LMO4: variants seen among roughly 807,000 people sequenced by gnomAD.
LMO4 encodes LIM domain transcription factor LMO4.
Under a neutral mutation model 18.5 loss-of-function variants are expected in LMO4, and 3 were observed. That is an observed-to-expected ratio of 0.16 (90% CI 0.07 to 0.42). The LOEUF is 0.42. LMO4 is among the 10% of genes least tolerant of loss of function. The pLI is 0.99. For synonymous variants in LMO4, 100 were observed against 88.1 expected, an observed-to-expected ratio of 1.14 and a Z score of -0.76; for missense variants, 121 against 219.9, an observed-to-expected ratio of 0.55 and a Z score of 2.84.
intron 4 of LMO4, among the ~76,000 whole-genome samples, chr1:87,342,973 A>G (rs918861568): frequency 6.6e-6 from 1 of 152,176 alleles, no homozygotes; most frequent in African/African-American, 2.4e-5. Context: ...CTCGTTCTCC[A>G]TATTTTTGGT....
intron 2 of LMO4, among the ~76,000 whole-genome samples, chr1:87,339,121 T>G (rs76971334): frequency 1.7e-4 from 26 of 152,330 alleles, no homozygotes; most frequent in Admixed American, 3.3e-4. Context: ...TCAAATCCTC[T>G]TAACCCTTTT....
chr1:87,338,589 G>T (rs1650380303), intron 2 of LMO4, among the ~76,000 whole-genome samples: 1 of 152,126 alleles, frequency 6.6e-6, no homozygotes, highest in East Asian at 1.9e-4. Flanking sequence ...AAAATATTTT[G>T]TTGTGCTTGC....
rs967623034 is a variant in LMO4, at chr1:87,338,007, T to C, written c.237-1529T>C. On this transcript the variant is annotated intron_variant, in intron 2 of 4. Transcript: ENST00000370544. ...AATTAGTTTTGAAATGGAGTTTTGA[T>C]TGAACTCTTCAAATCGATGCTGCTG... Among the ~76,000 whole-genome samples, 12 of 152,260 alleles carry C rather than the reference T, an allele frequency of 7.9e-5. No homozygotes were observed. The East Asian group carries it at 1.3e-3, about 17-fold the overall frequency.
At chr1:87,344,347 C>A (rs1650571928) in intron 4 of LMO4, among the ~76,000 whole-genome samples, 1 of 152,146 alleles carries the variant, frequency 6.6e-6, no homozygotes, top group Admixed American at 6.5e-5. Context: ...AACTGAGACA[C>A]AAGCAGTTTA....
In LMO4 at chr1:87,344,776, T is replaced by C; in HGVS notation, c.490-12T>C. 1 of 1,613,872 alleles carries C rather than the reference T, an allele frequency of 6.2e-7. No homozygotes were observed. The highest frequency in any genetic ancestry group is 8.5e-7 in the Non-Finnish European group (1 of 1,179,862). On this transcript the variant is annotated splice_polypyrimidine_tract_variant and intron_variant, in intron 4 of 4. Transcript: ENST00000370544. ...GCATTTTAGCTAAGATGCCCGTTTTTATTTCTTGCAGGTCTGCTAAAAGGT... is the reference window on the plus strand; with the variant it reads ...GCATTTTAGCTAAGATGCCCGTTTTCATTTCTTGCAGGTCTGCTAAAAGGT...
rs190437534 is a variant in LMO4 at position 87,348,631 on chromosome 1, C to G, written c.*3835C>G. The G allele has an allele frequency of 8.7e-6, 4 of 460,740 alleles. No individual in the cohort carries two copies. Among genetic ancestry groups the G allele is most frequent in the Admixed American group, 7.0e-5 (3 of 42,862 alleles). The allele number at this position is 460,740 out of a possible 1,614,324, so 28.5% of individuals were successfully genotyped here. ...GGCATTTGTAGCCCTCTGCTCCCATCGTGAACATGCTGAGAGCAATGACAA... is the reference window on the plus strand; with the variant it reads ...GGCATTTGTAGCCCTCTGCTCCCATGGTGAACATGCTGAGAGCAATGACAA... On this transcript the variant is annotated 3_prime_UTR_variant, in exon 5 of 5. Coordinates refer to ENST00000370544, the MANE Select transcript of LMO4 (RefSeq NM_006769.4).
Position 87,346,010 on chromosome 1 carries a change from A to C in LMO4, c.*1214A>C, listed in dbSNP as rs1471385767. On this transcript the variant is annotated 3_prime_UTR_variant, in exon 5 of 5. Transcript: ENST00000370544. ...TATTGAGTTTATAGCTTTTGAAGGA[A>C]GTCACAATTTCTAAGTCATACCTGT... 1 of 152,202 alleles carries C rather than the reference A, an allele frequency of 6.6e-6. No individual in the cohort carries two copies. Among genetic ancestry groups the C allele is most frequent in the Non-Finnish European group, 1.5e-5 (1 of 68,040 alleles). 9.4% of individuals were successfully genotyped at this position (152,202 alleles called of 1,614,324 possible).
At chr1:87,338,228 T>C (rs531812785) in intron 2 of LMO4, among the ~76,000 whole-genome samples, 3 of 152,336 alleles carry the variant, frequency 2.0e-5, no homozygotes, top group Non-Finnish European at 4.4e-5. Context: ...CAATTATTTT[T>C]ATATAGAGGC....
chr1:87,347,740 AAGAT>A lies in LMO4; in HGVS notation c.*2947_*2950del, dbSNP rs1557618679. ...CTTGTTAATGAAACAATTTTGTAAA[AAGAT>A]AGTCCTCTAAAAGGGTTTAATGTTT... On this transcript the variant is annotated 3_prime_UTR_variant, in exon 5 of 5. Transcript: ENST00000370544. The A allele has an allele frequency of 6.6e-6, 1 of 152,226 alleles. No homozygotes were observed. The highest frequency in any genetic ancestry group is 1.5e-5 in the Non-Finnish European group (1 of 68,040). The allele number at this position is 152,226 out of a possible 1,614,324, so 9.4% of individuals were successfully genotyped here.
At position 87,348,899 on chromosome 1, in the gene LMO4, T is replaced by C. The variant is rs1424108477; in HGVS notation, c.*4103T>C. On this transcript the variant is annotated 3_prime_UTR_variant, in exon 5 of 5. Coordinates refer to ENST00000370544, the MANE Select transcript of LMO4 (RefSeq NM_006769.4). Reference sequence around the variant, plus strand: ...GCCATTCTATTTCCTAAATCACAACTAATAAAGCAGAGGATGAAAATCAAT... The same window carrying C: ...GCCATTCTATTTCCTAAATCACAACCAATAAAGCAGAGGATGAAAATCAAT... 2.3e-6 allele frequency: 1 copy of C among 427,796 alleles called. No individual in the cohort carries two copies. The highest frequency in any genetic ancestry group is 4.7e-6 in the Non-Finnish European group (1 of 212,756). The allele number at this position is 427,796 out of a possible 1,614,324, so 26.5% of individuals were successfully genotyped here.
At chr1:87,339,792 A>G (rs1314982335) in intron 3 of LMO4, among the ~76,000 whole-genome samples, 160 bp downstream of exon 3, 3 of 152,320 alleles carry the variant, frequency 2.0e-5, no homozygotes, top group African/African-American at 7.2e-5. Flanking sequence ...TTACACATCC[A>G]CATGCACAGA....
At position 87,348,487 on chromosome 1, in the gene LMO4, T is replaced by C. The variant is rs1049200324; in HGVS notation, c.*3691T>C. On this transcript the variant is annotated 3_prime_UTR_variant, in exon 5 of 5. Transcript: ENST00000370544. The stretch of plus-strand genomic sequence containing the variant: ...ATTAAAGTATTACTGAGCAGCCATT[T>C]TAGATTGGCAGTGCTCTGAACGCAT... 9.7e-6 allele frequency: 3 copies of C among 310,402 alleles called. No individual in the cohort carries two copies. Among genetic ancestry groups the C allele is most frequent in the Non-Finnish European group, 2.0e-5 (3 of 152,578 alleles). 19.2% of individuals were successfully genotyped at this position (310,402 alleles called of 1,614,324 possible).
At chr1:87,335,518 C>T (rs1476380160) in intron 2 of LMO4, among the ~76,000 whole-genome samples, 3 of 152,006 alleles carry the variant, frequency 2.0e-5, no homozygotes, top group African/African-American at 4.8e-5. Context: ...CCCCGGGCTC[C>T]ACTCGGGCGG....
chr1:87,348,882 AT>A lies in LMO4; in HGVS notation c.*4089del, dbSNP rs1184306467. On this transcript the variant is annotated 3_prime_UTR_variant, in exon 5 of 5. Transcript: ENST00000370544. ...ACAGCTGTGTAAACAGGGCCATTCT[AT>A]TTCCTAAATCACAACTAATAAAGCA... is the stretch of plus-strand genomic sequence containing the variant. 1 of 442,796 alleles carries A rather than the reference AT, an allele frequency of 2.3e-6. No individual in the cohort carries two copies. Among genetic ancestry groups the A allele is most frequent in the Non-Finnish European group, 4.6e-6 (1 of 219,582 alleles). 27.4% of individuals were successfully genotyped at this position (442,796 alleles called of 1,614,324 possible).
At chr1:87,339,452 A>G (rs1318863443) in intron 2 of LMO4, 84 bp from the exon 3 acceptor site, 1 of 888,192 alleles carries the variant, frequency 1.1e-6, no homozygotes, top group East Asian at 2.5e-5. Flanking sequence ...TTCCAAAGGG[A>G]TGCCCAGAGT....
In LMO4 at chr1:87,332,060, C is replaced by T; in HGVS notation, c.45C>T (p.Ala15=). Reference sequence around the variant, plus strand: ...GCTCGCAGCCGCCCCCGGTGACGGCCGGCTCCCTCTCCTGGAAGCGGTGCG... The same window carrying T: ...GCTCGCAGCCGCCCCCGGTGACGGCTGGCTCCCTCTCCTGGAAGCGGTGCG... The part of the protein sequence containing the change: ...GSSSQPPPVT[A]GSLSWKRCAG... The change falls in exon 2 of 5, where the codon GCC becomes GCT. Residue 15 remains alanine, a synonymous_variant. Coordinates refer to ENST00000370544, the MANE Select transcript of LMO4 (RefSeq NM_006769.4). The T allele has an allele frequency of 1.2e-6, 2 of 1,613,500 alleles. No homozygotes were observed. Among genetic ancestry groups the T allele is most frequent in the South Asian group, 2.2e-5 (2 of 91,062 alleles).
At chr1:87,331,195 C>A (rs1650134209) in intron 1 of LMO4, 1 of 151,816 alleles carries the variant, frequency 6.6e-6, no homozygotes, top group South Asian at 2.1e-4. Flanking sequence ...GTTCAATGAT[C>A]TATTATTCTT....
intron 2 of LMO4, among the ~76,000 whole-genome samples, chr1:87,338,625 T>A (rs561263142): frequency 2.6e-5 from 4 of 152,232 alleles, no homozygotes; most frequent in Admixed American, 2.0e-4. Context: ...ATTATGTATA[T>A]GTTTTTCTTC....
intron 2 of LMO4, among the ~76,000 whole-genome samples, chr1:87,335,321 G>A (rs546037860): frequency 1.2e-4 from 19 of 152,248 alleles, no homozygotes; most frequent in African/African-American, 4.6e-4. Flanking sequence ...TCCAGGTCCG[G>A]GGAGGGCGAG....
Sources: gnomAD v4.1 joint callset for allele counts (sites outside exome capture counted in the v4.1 genomes callset) on GRCh38, gnomAD v4.1.1 for gene constraint, MANE v1.5 for transcripts, NCBI Gene and HGNC (gene_info 2026-07-23, HGNC 2026-07-21) for gene names.